Variants in CMIP observed in about 807,000 individuals in gnomAD.
CMIP encodes c-Maf inducing protein.
Under a neutral mutation model 97.3 loss-of-function variants are expected in CMIP, and 13 were observed. That is an observed-to-expected ratio of 0.13 (90% CI 0.09 to 0.21). The LOEUF (loss-of-function observed/expected upper bound fraction) is 0.21. Among genes scored for constraint, CMIP ranks in the 10% least tolerant of loss-of-function variants. The pLI is 1.00. For missense variants in CMIP, 847 were observed against 1,024.9 expected (o/e 0.83, Z 2.37); for synonymous variants, 538 against 436.3 (o/e 1.23, Z -2.91).
intron 1 of CMIP, among the ~76,000 whole-genome samples, chr16:81,563,694 T>C (rs1173058236): frequency 2.6e-5 from 4 of 152,226 alleles, no homozygotes; most frequent in African/African-American, 9.6e-5. Flanking sequence ...CTTATTATCA[T>C]GAGCTGTGCA....
chr16:81,468,926 C>G (rs1907365551), intron 1 of CMIP, among the ~76,000 whole-genome samples: 1 of 152,224 alleles, frequency 6.6e-6, no homozygotes, highest in South Asian at 2.1e-4. Context: ...ACGCAGTGAG[C>G]TGCCTGCATG....
At chr16:81,671,773 G>A (rs547101091) in intron 8 of CMIP, among the ~76,000 whole-genome samples, 193 bp from the exon 9 acceptor site, 89 of 152,350 alleles carry the variant, frequency 5.8e-4, no homozygotes, top group Middle Eastern at 3.4e-3. Context: ...GCCTTCTGCT[G>A]CCTGCACGTG....
intron 1 of CMIP, among the ~76,000 whole-genome samples, chr16:81,540,921 C>T (rs1057055388): frequency 2.0e-5 from 3 of 151,232 alleles, no homozygotes; most frequent in African/African-American, 7.3e-5. Flanking sequence ...ACCTCATGAT[C>T]CACCCACGTC....
At chr16:81,615,384 T>C (rs532121783) in intron 2 of CMIP, among the ~76,000 whole-genome samples, 1 of 148,304 alleles carries the variant, frequency 6.7e-6, no homozygotes, top group South Asian at 2.2e-4. Flanking sequence ...ATGGTGTGTG[T>C]ATGGTGTGTG....
chr16:81,649,363 T>C (rs2092401662), intron 3 of CMIP, among the ~76,000 whole-genome samples: 1 of 152,262 alleles, frequency 6.6e-6, no homozygotes, highest in African/African-American at 2.4e-5. Flanking sequence ...CCCCGAGGGC[T>C]CGTGTCTGAA....
chr16:81,583,421 C>G (rs1315573752), intron 1 of CMIP, among the ~76,000 whole-genome samples: 7 of 152,264 alleles, frequency 4.6e-5, no homozygotes, highest in African/African-American at 1.7e-4. Flanking sequence ...TGTTGAGCAA[C>G]TGTTCTAGGC....
At chr16:81,585,627 T>C (rs566185061) in intron 1 of CMIP, among the ~76,000 whole-genome samples, 1 of 152,340 alleles carries the variant, frequency 6.6e-6, no homozygotes, top group African/African-American at 2.4e-5. Context: ...GGTTCATCCA[T>C]GTCGTAGCGT....
intron 1 of CMIP, among the ~76,000 whole-genome samples, chr16:81,539,942 C>T (rs2090417697): frequency 2.6e-5 from 4 of 152,224 alleles, no homozygotes; most frequent in South Asian, 2.1e-4. Context: ...CAACTCTGCC[C>T]CCAGCCCTGA....
intron 1 of CMIP, among the ~76,000 whole-genome samples, chr16:81,557,128 A>G (rs958836147): frequency 1.3e-5 from 2 of 152,238 alleles, no homozygotes; most frequent in African/African-American, 2.4e-5. Context: ...TGAGAGGGCT[A>G]CCAGAATCCT....
intron 1 of CMIP, among the ~76,000 whole-genome samples, chr16:81,513,863 T>C (rs954496798): frequency 6.6e-5 from 10 of 152,218 alleles, no homozygotes; most frequent in African/African-American, 2.4e-4. Flanking sequence ...ACCTTTGCCC[T>C]GTTGTCTTTG....
rs368623303 is a variant in CMIP, at chr16:81,506,862, G to A, written c.300+61321G>A. Among the ~76,000 whole-genome samples the A allele has an allele frequency of 1.8e-3, 255 of 141,870 alleles. 2 individuals are homozygous for A. Among genetic ancestry groups the A allele is most frequent in the African/African-American group, 6.4e-3 (244 of 38,120 alleles). 93.1% of individuals were successfully genotyped at this position (141,870 alleles called of 152,430 possible). A position where few individuals can be genotyped will look rare whatever the true frequency, so the allele number is the denominator to read the frequency against. On this transcript the variant is annotated intron_variant, in intron 1 of 20. Transcript: ENST00000537098. ...GGAGGTGGCAGTGAGCTGAGATCAC[G>A]CCACTCCACTCCAGCCTGGATGACA...
intron 1 of CMIP, among the ~76,000 whole-genome samples, chr16:81,513,184 G>T (rs1391423418): frequency 2.0e-5 from 3 of 152,302 alleles, no homozygotes; most frequent in East Asian, 1.9e-4. Context: ...TGGTAGGTTG[G>T]AAGATTCTCC....
At chr16:81,554,072 A>C (rs1307849218) in intron 1 of CMIP, among the ~76,000 whole-genome samples, 1 of 152,232 alleles carries the variant, frequency 6.6e-6, no homozygotes, top group Non-Finnish European at 1.5e-5. Flanking sequence ...CTTTCCATTT[A>C]AGGCATTTAG....
chr16:81,611,510 C>T (rs117606575), intron 2 of CMIP: 2,282 of 152,834 alleles, frequency 0.015, 27 homozygotes, highest in Non-Finnish European at 0.024. Context: ...AGGTTCTTTG[C>T]ATCCATGTGT....
rs1395040271 is a variant in CMIP at position 81,649,820 on chromosome 16, T to G, written c.478-2383T>G. Among the ~76,000 whole-genome samples the G allele has an allele frequency of 2.6e-5, 4 of 152,222 alleles. No homozygotes were observed. In the East Asian group the frequency reaches 7.7e-4, roughly 29 times the overall value. On this transcript the variant is annotated intron_variant, in intron 3 of 20. Transcript: ENST00000537098. ...TTGATATAGGGTGGATTTTGTGAGA[T>G]CATTTCATGGTCTTTTAAAAATTAA...
chr16:81,462,504 TAA>T (rs200513793), intron 1 of CMIP, among the ~76,000 whole-genome samples: 65 of 149,108 alleles, frequency 4.4e-4, no homozygotes, highest in African/African-American at 1.4e-3. Context: ...ATGTAAGTGA[TAA>T]AAAAAAAAAT....
intron 1 of CMIP, among the ~76,000 whole-genome samples, chr16:81,510,356 AATG>A (rs1286675665): frequency 6.6e-6 from 1 of 152,168 alleles, no homozygotes; most frequent in Admixed American, 6.5e-5. Flanking sequence ...TGCTAATAAT[AATG>A]ATGACAATGT....
rs889689865 is a variant in CMIP at position 81,495,252 on chromosome 16, G to A, written c.300+49711G>A. On this transcript the variant is annotated intron_variant, in intron 1 of 20. Coordinates refer to ENST00000537098, the MANE Select transcript of CMIP (RefSeq NM_198390.3). ...AGTGAAACAGACACTGATGGTCAGA[G>A]TGGACCTCTCAGCCTGGGGGAAGCA... The A allele has an allele frequency of 6.7e-5, 90 of 1,340,696 alleles. 1 individual carries two copies. The Middle Eastern group carries it at 8.2e-4, about 12-fold the overall frequency. 83.0% of individuals were successfully genotyped at this position (1,340,696 alleles called of 1,614,324 possible).
intron 1 of CMIP, among the ~76,000 whole-genome samples, chr16:81,485,070 C>T (rs1024604154): frequency 6.6e-6 from 1 of 152,156 alleles, no homozygotes; most frequent in Non-Finnish European, 1.5e-5. Context: ...GACTCCACCC[C>T]CAGAGGTTGA....
Sources: gnomAD v4.1 joint callset for allele counts (sites outside exome capture counted in the v4.1 genomes callset) on GRCh38, gnomAD v4.1.1 for gene constraint, MANE v1.5 for transcripts, NCBI Gene and HGNC (gene_info 2026-07-23, HGNC 2026-07-21) for gene names.